The following EVC variants were observed in gnomAD, a reference collection of about 807,000 sequenced individuals.
The protein encoded by EVC is evC complex member EVC.
In EVC, 116 loss-of-function variants were observed where a neutral mutation model predicts 118.9. That is an observed-to-expected ratio of 0.98 (90% CI 0.84 to 1.14). The LOEUF is 1.14. Among genes scored for constraint, EVC ranks in the 50% most tolerant of loss-of-function variants. The pLI, the probability that EVC is intolerant of heterozygous loss-of-function variation, is 0.00. For synonymous variants in EVC, 619 were observed against 534.7 expected, an observed-to-expected ratio of 1.16 and a Z score of -2.18; for missense variants, 1,401 against 1,246.4, an observed-to-expected ratio of 1.12 and a Z score of -1.87.
At chr4:5,752,690 G>C in intron 8 of EVC, 146 bp from the exon 9 acceptor site, 3 of 814,896 alleles carry the variant, frequency 3.7e-6, no homozygotes, top group South Asian at 1.4e-5. Context: ...TCATGAAGGA[G>C]AGGGGGAGTT....
downstream of EVC, among the ~76,000 whole-genome samples, chr4:5,815,805 A>G (rs1198178479): frequency 6.6e-6 from 1 of 152,142 alleles, no homozygotes; most frequent in Non-Finnish European, 1.5e-5. Context: ...CCTGGAATGT[A>G]CACCATTGAC....
chr4:5,753,318 C>T (rs114844852), intron 9 of EVC, among the ~76,000 whole-genome samples: 1 of 152,206 alleles, frequency 6.6e-6, no homozygotes, highest in Non-Finnish European at 1.5e-5. Context: ...CTGATTGAGT[C>T]CCCACGTCCT....
Position 5,756,220 on chromosome 4 carries a change from A to AAC in EVC, c.1465-44_1465-43insAC. 1 of 1,443,194 alleles carries AAC rather than the reference A, an allele frequency of 6.9e-7. No homozygotes were observed. The allele number at this position is 1,443,194 out of a possible 1,614,324, so 89.4% of individuals were successfully genotyped here. Reference sequence around the variant, plus strand: ...GAACCTTCTGGAAAAAAAAAAAAAAACCCTGCATGTTTCTACCAGACTCAG... The same window carrying AAC: ...GAACCTTCTGGAAAAAAAAAAAAAAAACCCCTGCATGTTTCTACCAGACTCAG... On this transcript the variant is annotated intron_variant, in intron 10 of 20. Transcript: ENST00000264956. This position sits in a 1 kb window ranked among gnomAD's most constrained non-coding sequence, Gnocchi z 4.2.
rs2152127412 is a variant in EVC at position 5,763,129 on chromosome 4, A to G, written c.1563+6767A>G. Among the ~76,000 whole-genome samples, 2 of 79,674 alleles carry G rather than the reference A, an allele frequency of 2.5e-5. 1 individual carries two copies. Among genetic ancestry groups the G allele is most frequent in the African/African-American group, 1.1e-4 (2 of 19,006 alleles). The allele number at this position is 79,674 out of a possible 152,430, so 52.3% of individuals were successfully genotyped here. Reference sequence around the variant, plus strand: ...TTCAGCTTTCTACATATGGCTAGCCAATTTTCCCAGCACCATTTATTAAAT... The same window carrying G: ...TTCAGCTTTCTACATATGGCTAGCCGATTTTCCCAGCACCATTTATTAAAT... On this transcript the variant is annotated intron_variant, in intron 11 of 20. Transcript: ENST00000264956.
chr4:5,783,553 A>T lies in EVC; in HGVS notation c.1565A>T (p.Glu522Val). 1 of 1,614,058 alleles carries T rather than the reference A, an allele frequency of 6.2e-7. No homozygotes were observed. Among genetic ancestry groups the T allele is most frequent in the South Asian group, 1.1e-5 (1 of 91,072 alleles). ...CCCATCTGTGGTTCTCCGCTCCAGGAGCTGTACTTCAGCACCGTGGACACT... is the reference window on the plus strand; with the variant it reads ...CCCATCTGTGGTTCTCCGCTCCAGGTGCTGTACTTCAGCACCGTGGACACT... ...ATEAVVALCQ[E>V]LYFSTVDTFQ... The change falls in exon 12 of 21, where the codon GAG (glutamate) becomes GTG (valine). Residue 522 changes from glutamate (E) to valine (V), a missense_variant and splice_region_variant. Transcript: ENST00000264956.
At chr4:5,775,546 CT>C (rs1734596494) in intron 11 of EVC, among the ~76,000 whole-genome samples, 1 of 152,150 alleles carries the variant, frequency 6.6e-6, no homozygotes, top group Non-Finnish European at 1.5e-5. Context: ...ACAGCATGTG[CT>C]TTGTCCCATT....
the EVC span, chr4:5,821,942 A>G: frequency 5.1e-6 from 6 of 1,173,958 alleles, no homozygotes; most frequent in East Asian, 1.3e-4. This position sits in a 1 kb window ranked among gnomAD's most constrained non-coding sequence, Gnocchi z 4.4. Flanking sequence ...CATGCACTCC[A>G]CTGGACCCAC....
the EVC span, among the ~76,000 whole-genome samples, chr4:5,819,374 T>C: frequency 6.6e-6 from 1 of 152,174 alleles, no homozygotes; most frequent in Non-Finnish European, 1.5e-5. Context: ...CTCTCCCTCC[T>C]CCCAAAATCT....
chr4:5,808,401 G>A, intron 18 of EVC, 74 bp downstream of exon 18: 1 of 1,605,568 alleles, frequency 6.2e-7, no homozygotes, highest in Non-Finnish European at 8.5e-7. Context: ...GCCAGCCTGT[G>A]ACCACACGTC....
intron 1 of EVC, among the ~76,000 whole-genome samples, chr4:5,716,927 C>A (rs1421853333): frequency 6.6e-6 from 1 of 152,130 alleles, no homozygotes; most frequent in African/African-American, 2.4e-5. Context: ...CTTAAAGAAC[C>A]TTTACCTTTG....
chr4:5,726,459 C>T (rs1409460475), intron 2 of EVC, among the ~76,000 whole-genome samples: 1 of 152,022 alleles, frequency 6.6e-6, no homozygotes, highest in Non-Finnish European at 1.5e-5. Flanking sequence ...TGGATAAGTC[C>T]ATCCAGCTTC....
chr4:5,712,361 T>C (rs1053544367), intron 1 of EVC, among the ~76,000 whole-genome samples: 5 of 152,306 alleles, frequency 3.3e-5, no homozygotes, highest in Middle Eastern at 3.4e-3. Flanking sequence ...CCAAAGCCAC[T>C]GTGTTCTTCA....
Position 5,811,090 on chromosome 4 carries a change from T to C in EVC, c.*53T>C, listed in dbSNP as rs7676531. On this transcript the variant is annotated 3_prime_UTR_variant, in exon 21 of 21. Transcript: ENST00000264956. ...TGAAGCCCTGGGTCTGGGTGTGAAT[T>C]CCACCTTCCCTCCTGCAGTGCTGAG... 0.04 allele frequency: 57,992 copies of C among 1,457,292 alleles called. 1,709 individuals are homozygous for C. Among genetic ancestry groups the C allele is most frequent in the African/African-American group, 0.13 (8,945 of 71,222 alleles). 90.3% of individuals were successfully genotyped at this position (1,457,292 alleles called of 1,614,324 possible). A position where few individuals can be genotyped will look rare whatever the true frequency, so the allele number is the denominator to read the frequency against.
At position 5,723,963 on chromosome 4, in the gene EVC, C is replaced by T. The variant is rs913571128; in HGVS notation, c.300+4590C>T. Among the ~76,000 whole-genome samples the T allele has an allele frequency of 4.5e-4, 68 of 152,276 alleles. 1 individual carries two copies. The highest frequency in any genetic ancestry group is 1.6e-3 in the African/African-American group (67 of 41,568). On this transcript the variant is annotated intron_variant, in intron 2 of 20. Coordinates refer to ENST00000264956, the MANE Select transcript of EVC (RefSeq NM_153717.3). ...TTGAGAGCAGGCCAGGCTCTGTACC[C>T]TCAGGTCAGAGGGAGGCCAGGAAGG...
intron 7 of EVC, 146 bp downstream of exon 7, chr4:5,745,487 G>C (rs1265353267): frequency 3.8e-6 from 3 of 787,778 alleles, no homozygotes; most frequent in African/African-American, 3.5e-5. Flanking sequence ...TCCAGTTTCT[G>C]ATGCTAAGTG....
chr4:5,754,558 C>T lies in EVC; in HGVS notation c.1464+625C>T, dbSNP rs1032203534. On this transcript the variant is annotated intron_variant, in intron 10 of 20. Transcript: ENST00000264956. This position sits in a 1 kb window ranked among gnomAD's most constrained non-coding sequence, Gnocchi z 5.8. The stretch of plus-strand genomic sequence containing the variant: ...ACTCGCCAGTTCTCAGAGAGACCAC[C>T]GAGCTCTGGTTTCGCTCTGCTTGCT... 6.6e-6 allele frequency among the ~76,000 whole-genome samples: 1 copy of T among 152,234 alleles called. No homozygotes were observed. The highest frequency in any genetic ancestry group is 1.9e-4 in the East Asian group (1 of 5,152).
Position 5,743,655 on chromosome 4 carries a change from A to T in EVC, c.802-1549A>T, listed in dbSNP as rs1210227410. Among the ~76,000 whole-genome samples, 1 of 152,144 alleles carries T rather than the reference A, an allele frequency of 6.6e-6. No individual in the cohort carries two copies. The highest frequency in any genetic ancestry group is 2.4e-5 in the African/African-American group (1 of 41,424). On this transcript the variant is annotated intron_variant, in intron 6 of 20. Coordinates refer to ENST00000264956, the MANE Select transcript of EVC (RefSeq NM_153717.3). The surrounding 1 kb of genome is among the most constrained non-coding windows in gnomAD (Gnocchi z 4.7). ...TTTCTTCTTTACTCCACTGGATTCC[A>T]TGAGGAAGGATGACTCACTGCATCC...
At chr4:5,816,074 A>G (rs1407117105), downstream of EVC, among the ~76,000 whole-genome samples, 1 of 152,120 alleles carries the variant, frequency 6.6e-6, no homozygotes, top group African/African-American at 2.4e-5. Flanking sequence ...CTCATTAAAA[A>G]CAACATTCTT....
At chr4:5,796,907 C>G in intron 13 of EVC, 115 bp from the exon 14 acceptor site, 1 of 836,708 alleles carries the variant, frequency 1.2e-6, no homozygotes, top group South Asian at 1.4e-5. Flanking sequence ...GGCGGTGATT[C>G]CAACCTGCTT....
Sources: allele counts gnomAD v4.1 joint callset (sites outside exome capture counted in the v4.1 genomes callset), GRCh38; gene constraint gnomAD v4.1.1; non-coding constraint Gnocchi (gnomAD v3.1); transcripts MANE v1.5; gene names NCBI Gene and HGNC (gene_info 2026-07-23, HGNC 2026-07-21).